FAAP20: variants seen among roughly 807,000 people sequenced by gnomAD.
The protein encoded by FAAP20 is Fanconi anemia core complex-associated protein 20.
A neutral mutation model predicts 16.2 loss-of-function variants in FAAP20; 12 were observed. The ratio of observed to expected loss-of-function variants is 0.74; its 90% confidence interval spans 0.48 to 1.20. The LOEUF (loss-of-function observed/expected upper bound fraction) is 1.20. Among genes scored for constraint, FAAP20 ranks in the 50% most tolerant of loss-of-function variants. The pLI is 0.00. For synonymous variants in FAAP20, 141 were observed against 110.7 expected, an observed-to-expected ratio of 1.27 and a Z score of -1.72; for missense variants, 288 against 245.8, an observed-to-expected ratio of 1.17 and a Z score of -1.15.
downstream of FAAP20, chr1:2,185,986 C>T (rs763809965): frequency 2.1e-5 from 8 of 388,754 alleles, no homozygotes; most frequent in African/African-American, 8.3e-5. Context: ...AACACACCCG[C>T]GCTCTCCGTC....
At position 2,189,783 on chromosome 1, in the gene FAAP20, T is replaced by C; in HGVS notation, c.471-2A>G. 6.2e-7 allele frequency: 1 copy of C among 1,610,840 alleles called. No individual in the cohort carries two copies. Among genetic ancestry groups the C allele is most frequent in the South Asian group, 1.1e-5 (1 of 91,050 alleles). Reference sequence around the variant, plus strand: ...CTGTCAACATCCAGCTGGGTCAGCCTGCAAGGGAGGGGCCACACTCACTCG... The same window carrying C: ...CTGTCAACATCCAGCTGGGTCAGCCCGCAAGGGAGGGGCCACACTCACTCG... On this transcript the variant is annotated splice_acceptor_variant, in intron 3 of 3. Transcript: ENST00000378546. LOFTEE classifies it high-confidence loss of function.
chr1:2,198,278 C>A, upstream of FAAP20: 1 of 907,372 alleles, frequency 1.1e-6, no homozygotes, highest in Non-Finnish European at 1.5e-6. Context: ...AGAAGGTGAT[C>A]GAGTGGGTGG....
downstream of FAAP20, among the ~76,000 whole-genome samples, chr1:2,209,835 C>G (rs1233525028): frequency 6.6e-6 from 1 of 152,260 alleles, no homozygotes; most frequent in Non-Finnish European, 1.5e-5. Context: ...GCCTTCCAGC[C>G]TCCCTCCTGC....
chr1:2,205,779 A>G (rs1689236906), intron 3 of FAAP20, among the ~76,000 whole-genome samples: 2 of 152,312 alleles, frequency 1.3e-5, no homozygotes, highest in African/African-American at 4.8e-5. Context: ...CCCTCCTCCC[A>G]TGTGCGCGGG....
chr1:2,210,232 G>A (rs938735577), downstream of FAAP20, among the ~76,000 whole-genome samples: 16 of 152,344 alleles, frequency 1.1e-4, no homozygotes, highest in South Asian at 8.3e-4. Context: ...GAAATCAAGC[G>A]GGAGGGTAGG....
At chr1:2,188,897 C>T (rs1218541425), downstream of FAAP20, among the ~76,000 whole-genome samples, 2 of 150,256 alleles carry the variant, frequency 1.3e-5, no homozygotes, top group Non-Finnish European at 3.0e-5. Flanking sequence ...CCCAGCTACT[C>T]GGGAGGCTGA....
At chr1:2,190,683 G>A (rs1688117471) in intron 3 of FAAP20, 1 of 331,572 alleles carries the variant, frequency 3.0e-6, no homozygotes, top group South Asian at 2.3e-5. Context: ...CTAGACTTGG[G>A]CCTAGATCTT....
chr1:2,201,511 C>T (rs1689047173), upstream of FAAP20, among the ~76,000 whole-genome samples: 1 of 152,048 alleles, frequency 6.6e-6, no homozygotes, highest in Non-Finnish European at 1.5e-5. Context: ...CACCTGAGGC[C>T]AGAAGTTCAA....
Position 2,193,972 on chromosome 1 carries a change from C to G in FAAP20, c.198+26G>C, listed in dbSNP as rs779544070. 9 of 1,611,978 alleles carry G rather than the reference C, an allele frequency of 5.6e-6. No homozygotes were observed. The Admixed American group carries it at 1.5e-4, about 27-fold the overall frequency. On this transcript the variant is annotated intron_variant, in intron 2 of 3. Coordinates refer to ENST00000378546, the MANE Select transcript of FAAP20 (RefSeq NM_182533.4). ...GCTCCCGCCCTGGAAACCCCTTCAT[C>G]GCTAAGATGGGCCCAGTGGGCACAC...
At chr1:2,196,935 CCTT>C (rs1365171253), upstream of FAAP20, among the ~76,000 whole-genome samples, 1 of 152,208 alleles carries the variant, frequency 6.6e-6, no homozygotes, top group African/African-American at 2.4e-5. This position sits in a 1 kb window ranked among gnomAD's most constrained non-coding sequence, Gnocchi z 4.5. Context: ...TGTTCTTGCT[CCTT>C]CCTCTCCCTT....
upstream of FAAP20, chr1:2,201,222 GC>G: frequency 8.3e-7 from 1 of 1,206,504 alleles, no homozygotes; most frequent in Non-Finnish European, 1.1e-6. Flanking sequence ...CTCCCTCGCT[GC>G]CCCTGTGTTG....
downstream of FAAP20, chr1:2,186,288 C>T (rs1687577832): frequency 7.4e-5 from 19 of 255,122 alleles, no homozygotes; most frequent in South Asian, 5.9e-4. Flanking sequence ...GTTAGGAGGT[C>T]TGTGCCGCGC....
downstream of FAAP20, chr1:2,184,774 G>T (rs1013543906): frequency 3.4e-6 from 5 of 1,475,814 alleles, no homozygotes; most frequent in African/African-American, 7.0e-5. Flanking sequence ...TGGGCAGCTG[G>T]TGACCCAGCC....
chr1:2,205,097 G>A (rs903634966), intron 3 of FAAP20, among the ~76,000 whole-genome samples: 1 of 15,586 alleles, frequency 6.4e-5, no homozygotes, highest in African/African-American at 2.2e-4. Context: ...CCCACGCCCC[G>A]CCCCTCAAGC....
chr1:2,192,113 G>A (rs755098015), intron 3 of FAAP20: 72 of 985,582 alleles, frequency 7.3e-5, no homozygotes, highest in Middle Eastern at 5.2e-4. Context: ...GACCAAGTCC[G>A]GCTGTTAGAC....
Position 2,193,686 on chromosome 1 carries a change from G to C in FAAP20, c.423C>G (p.Ala141=). The C allele has an allele frequency of 6.3e-7, 1 of 1,599,962 alleles. No homozygotes were observed. Among genetic ancestry groups the C allele is most frequent in the Non-Finnish European group, 8.5e-7 (1 of 1,175,804 alleles). The change falls in exon 3 of 4, where the codon GCC becomes GCG. Residue 141 remains alanine (A), a synonymous_variant. Coordinates refer to ENST00000378546, the MANE Select transcript of FAAP20 (RefSeq NM_182533.4). ...ACATGGGGCAGCTGCGCAGGGCCGC[G>C]GCACCCTCCACAGACGGCTGCTGCT... ...RVEQQPSVEG[A]AALRSCPMCQ...
chr1:2,197,348 G>A (rs1186409647), upstream of FAAP20, among the ~76,000 whole-genome samples: 1 of 152,220 alleles, frequency 6.6e-6, no homozygotes, highest in Non-Finnish European at 1.5e-5. Context: ...GAGGGGCAGA[G>A]CCGAGCAGAA....
downstream of FAAP20, chr1:2,185,429 C>A: frequency 1.4e-6 from 1 of 718,740 alleles, no homozygotes; most frequent in Non-Finnish European, 2.6e-6. Context: ...TGAGTGGCGC[C>A]TGCCCCACAT....
rs1688565043 is a variant in FAAP20 at position 2,194,006 on chromosome 1, G to A, written c.190C>T (p.Pro64Ser). 1.2e-6 allele frequency: 2 copies of A among 1,612,728 alleles called. No homozygotes were observed. The highest frequency in any genetic ancestry group is 1.1e-5 in the South Asian group (1 of 91,068). The change falls in exon 2 of 4, where the codon CCA becomes TCA. Residue 64 changes from proline to serine, a missense_variant. By Grantham distance (74) the Pro-to-Ser change is moderately conservative (BLOSUM62 -1). Transcript: ENST00000378546. Reference sequence around the variant, plus strand: ...GGGCCCAGTGGGCACACCTGTCCTGGGAAGGCGGGCAGTGAAGGCACCTCG... The same window carrying A: ...GGGCCCAGTGGGCACACCTGTCCTGAGAAGGCGGGCAGTGAAGGCACCTCG... ...DHEVPSLPAFPGQEPRCGPEP... is the reference protein window; with the variant it reads ...DHEVPSLPAFSGQEPRCGPEP...
Sources: gnomAD v4.1 joint callset for allele counts (sites outside exome capture counted in the v4.1 genomes callset) on GRCh38, gnomAD v4.1.1 for gene constraint, Gnocchi (gnomAD v3.1) non-coding constraint, MANE v1.5 for transcripts, NCBI Gene and HGNC (gene_info 2026-07-23, HGNC 2026-07-21) for gene names.